Variants in PUS10 observed in about 807,000 individuals in gnomAD.
The protein encoded by PUS10 is pseudouridine synthase 10, also known as tRNA pseudouridine synthase Pus10.
In PUS10, 59 loss-of-function variants were observed where a neutral mutation model predicts 75.0. That is an observed-to-expected ratio of 0.79 (90% confidence interval 0.64 to 0.98). PUS10 has a LOEUF of 0.98. Ranked by LOEUF, PUS10 falls within the 50% of genes least tolerant of loss-of-function variation. PUS10 has a pLI of 0.00. For missense variants in PUS10, 650 were observed against 614.4 expected (o/e 1.06, Z -0.61); for synonymous variants, 219 against 211.6 (o/e 1.03, Z -0.30).
chr2:60,942,213 C>T lies in PUS10; in HGVS notation c.*182G>A. ...AAGACATCCTTGGAACAATTTAACA[C>T]AAAATATACACATATATAGATCCTG... On this transcript the variant is annotated 3_prime_UTR_variant, in exon 18 of 18. Transcript: ENST00000316752. 1.8e-6 allele frequency: 1 copy of T among 551,674 alleles called. No individual in the cohort carries two copies. The highest frequency in any genetic ancestry group is 3.3e-6 in the Non-Finnish European group (1 of 302,766). The allele number at this position is 551,674 out of a possible 1,614,324, so 34.2% of individuals were successfully genotyped here.
intron 8 of PUS10, among the ~76,000 whole-genome samples, chr2:60,963,721 G>C (rs982328012): frequency 6.6e-6 from 1 of 151,942 alleles, no homozygotes; most frequent in African/African-American, 2.4e-5. Flanking sequence ...AAAATTAAGT[G>C]CCTGTTTGAT....
rs369386636 is a variant in PUS10, at chr2:61,007,228, T to TAA, written c.382-587_382-586dup. Among the ~76,000 whole-genome samples, 612 of 150,440 alleles carry TAA rather than the reference T, an allele frequency of 4.1e-3. 3 individuals carry two copies. The highest frequency in any genetic ancestry group is 0.014 in the African/African-American group (582 of 41,020). ...GAGTAGGCTTTTGTTTTTTTTTTTT[T>TAA]AAAAAAAAGAAAATATTTTAATGAT... is the stretch of plus-strand genomic sequence containing the variant. On this transcript the variant is annotated intron_variant, in intron 3 of 17. Coordinates refer to ENST00000316752, the MANE Select transcript of PUS10 (RefSeq NM_144709.4).
intron 4 of PUS10, among the ~76,000 whole-genome samples, chr2:60,994,639 C>T (rs769380627): frequency 2.0e-5 from 3 of 152,186 alleles, no homozygotes; most frequent in Non-Finnish European, 4.4e-5. Flanking sequence ...TAAATGATCA[C>T]ACTTGTTAAA....
intron 10 of PUS10, among the ~76,000 whole-genome samples, chr2:60,960,843 T>TAAAAAAAAAAAAAAAAAAAAAAAAAAA (rs34578958): frequency 8.3e-6 from 1 of 120,664 alleles, no homozygotes; most frequent in Non-Finnish European, 1.7e-5. Flanking sequence ...ATACCAAGGA[T>TAAAAAAAAAAAAAAAAAAAAAAAAAAA]AAAAAAAAAA....
intron 4 of PUS10, among the ~76,000 whole-genome samples, chr2:60,994,317 C>T (rs1678310368): frequency 6.6e-6 from 1 of 151,700 alleles, no homozygotes; most frequent in African/African-American, 2.4e-5. Flanking sequence ...GGGACTTCCA[C>T]CTCCAATTAA....
intron 4 of PUS10, 135 bp from the exon 5 acceptor site, chr2:60,971,692 C>A: frequency 1.3e-6 from 1 of 778,858 alleles, no homozygotes; most frequent in Non-Finnish European, 2.2e-6. Context: ...AGTTAGTATT[C>A]AAAAATTTAC....
chr2:61,010,908 T>G, intron 2 of PUS10: 1 of 1,547,202 alleles, frequency 6.5e-7, no homozygotes, highest in Non-Finnish European at 8.7e-7. Flanking sequence ...GAGACAATCA[T>G]AGTATGTACT....
At chr2:61,009,946 A>G (rs1039312670) in intron 2 of PUS10, 2 of 152,220 alleles carry the variant, frequency 1.3e-5, no homozygotes, top group Non-Finnish European at 2.9e-5. Context: ...ACTCACACAA[A>G]TATGTTTGTT....
Position 60,967,484 on chromosome 2 carries a change from A to G in PUS10, c.615+18T>C, listed in dbSNP as rs557412394. Reference sequence around the variant, plus strand: ...GTAAAATCAGAGAATAAAATTAACAATGCTGTTGACCCAATACCTTTCCAT... The same window carrying G: ...GTAAAATCAGAGAATAAAATTAACAGTGCTGTTGACCCAATACCTTTCCAT... On this transcript the variant is annotated intron_variant, in intron 6 of 17. Coordinates refer to ENST00000316752, the MANE Select transcript of PUS10 (RefSeq NM_144709.4). 5.3e-5 allele frequency: 76 copies of G among 1,445,392 alleles called. No homozygotes were observed. Among genetic ancestry groups the G allele is most frequent in the Middle Eastern group, 1.7e-4 (1 of 5,718 alleles). 89.5% of individuals were successfully genotyped at this position (1,445,392 alleles called of 1,614,324 possible).
At chr2:60,951,050 A>G (rs141646516) in intron 15 of PUS10, among the ~76,000 whole-genome samples, 2 of 152,324 alleles carry the variant, frequency 1.3e-5, no homozygotes, top group East Asian at 3.9e-4. Flanking sequence ...ACCTTTTCAA[A>G]TGATTCTTGG....
intron 7 of PUS10, 48 bp from the exon 8 acceptor site, chr2:60,965,151 G>T: frequency 6.5e-7 from 1 of 1,541,138 alleles, no homozygotes; most frequent in South Asian, 1.1e-5. Context: ...GTTTATTTTG[G>T]GGTAGATATA....
chr2:60,984,557 A>T (rs1313080693), intron 4 of PUS10, among the ~76,000 whole-genome samples: 1 of 152,210 alleles, frequency 6.6e-6, no homozygotes, highest in African/African-American at 2.4e-5. Context: ...TCCAATTCTA[A>T]GAATTTATCA....
intron 4 of PUS10, among the ~76,000 whole-genome samples, chr2:60,975,666 CAAAA>C (rs1160640734): frequency 1.3e-5 from 1 of 79,488 alleles, no homozygotes. Context: ...AGGGAGCATT[CAAAA>C]AAAAAAAAAA....
chr2:60,992,949 T>G (rs979483603), intron 4 of PUS10, among the ~76,000 whole-genome samples: 3 of 152,214 alleles, frequency 2.0e-5, no homozygotes, highest in African/African-American at 7.2e-5. Context: ...CTCTTTAATT[T>G]GCCATGGATT....
At chr2:60,998,176 A>G (rs1276628173) in intron 4 of PUS10, among the ~76,000 whole-genome samples, 1 of 152,210 alleles carries the variant, frequency 6.6e-6, no homozygotes, top group Non-Finnish European at 1.5e-5. Context: ...CAATAACAGA[A>G]GGGAAATTAC....
chr2:61,013,657 G>C (rs1324061068), intron 1 of PUS10, among the ~76,000 whole-genome samples: 1 of 152,106 alleles, frequency 6.6e-6, no homozygotes, highest in Non-Finnish European at 1.5e-5. Context: ...ATTCAGACTA[G>C]ACAAAAAAAT....
chr2:60,943,128 T>A (rs1048407997), intron 17 of PUS10, among the ~76,000 whole-genome samples: 1 of 152,174 alleles, frequency 6.6e-6, no homozygotes, highest in Admixed American at 6.5e-5. Flanking sequence ...CAGAAACTTT[T>A]ATTCTTCTGA....
intron 4 of PUS10, among the ~76,000 whole-genome samples, chr2:60,973,298 G>A (rs1676808600): frequency 6.6e-6 from 1 of 152,232 alleles, no homozygotes. Flanking sequence ...GCAGTCCCTG[G>A]AGTCTCACCC....
chr2:60,959,772 T>C (rs892024898), intron 11 of PUS10, among the ~76,000 whole-genome samples: 1 of 152,100 alleles, frequency 6.6e-6, no homozygotes, highest in East Asian at 1.9e-4. Context: ...ACCCAGAACA[T>C]GATGCCATAG....
Sources: gnomAD v4.1 joint callset for allele counts (sites outside exome capture counted in the v4.1 genomes callset) on GRCh38, gnomAD v4.1.1 for gene constraint, MANE v1.5 for transcripts, NCBI Gene and HGNC (gene_info 2026-07-23, HGNC 2026-07-21) for gene names.